Variants in MDGA2 observed in about 807,000 individuals in gnomAD.
MDGA2 encodes MAM domain containing glycosylphosphatidylinositol anchor 2.
MDGA2 carries 40 observed loss-of-function variants against 117.8 expected under a neutral mutation model. The observed-to-expected ratio is 0.34, with a 90% CI of 0.26 to 0.44. The LOEUF is 0.44. Ranked by LOEUF, MDGA2 falls within the 20% of genes least tolerant of loss-of-function variation. MDGA2 has a pLI of 1.00. For missense variants in MDGA2, 1,123 were observed against 1,250.6 expected, an observed-to-expected ratio of 0.90 and a Z score of 1.54; for synonymous variants, 452 against 439.0, an observed-to-expected ratio of 1.03 and a Z score of -0.37.
intron 2 of MDGA2, among the ~76,000 whole-genome samples, chr14:47,279,810 C>T (rs764473892): frequency 6.6e-6 from 1 of 152,096 alleles, no homozygotes. Context: ...TATGTTGCCC[C>T]CGCCATCCCC....
At chr14:47,652,120 A>T (rs1003297122) in intron 1 of MDGA2, among the ~76,000 whole-genome samples, 8 of 152,218 alleles carry the variant, frequency 5.3e-5, no homozygotes, top group African/African-American at 1.9e-4. Flanking sequence ...GGACAGAAAT[A>T]TAAGGATCTT....
intron 1 of MDGA2, among the ~76,000 whole-genome samples, chr14:47,464,915 G>A (rs1893568622): frequency 6.6e-6 from 1 of 151,864 alleles, no homozygotes; most frequent in Non-Finnish European, 1.5e-5. Context: ...AACAAAGCCA[G>A]AGAGCCAGAG....
chr14:47,345,084 AG>A (rs1004211865), intron 1 of MDGA2, among the ~76,000 whole-genome samples: 1 of 152,166 alleles, frequency 6.6e-6, no homozygotes, highest in Non-Finnish European at 1.5e-5. Flanking sequence ...TTCTCTCCTT[AG>A]GGAATATACA....
intron 1 of MDGA2, among the ~76,000 whole-genome samples, chr14:47,405,189 A>G (rs1892236132): frequency 6.6e-6 from 1 of 152,190 alleles, no homozygotes; most frequent in African/African-American, 2.4e-5. Flanking sequence ...GTACAAAGTA[A>G]TTAATTAAAA....
intron 1 of MDGA2, among the ~76,000 whole-genome samples, chr14:47,467,354 A>C (rs1334459872): frequency 6.6e-6 from 1 of 152,080 alleles, no homozygotes; most frequent in Non-Finnish European, 1.5e-5. Context: ...AATAACTATA[A>C]AAGTTTCAAG....
intron 1 of MDGA2, among the ~76,000 whole-genome samples, chr14:47,633,240 G>T (rs1207558745): frequency 3.3e-5 from 5 of 151,998 alleles, no homozygotes; most frequent in African/African-American, 1.2e-4. Context: ...GCTCTTAAGG[G>T]TCAGGACTAT....
intron 1 of MDGA2, among the ~76,000 whole-genome samples, chr14:47,450,315 A>T (rs2138568709): frequency 6.6e-6 from 1 of 152,106 alleles, no homozygotes; most frequent in East Asian, 1.9e-4. Context: ...CCTTTGAAAC[A>T]CATAAAATAG....
chr14:47,074,078 T>G (rs1890395140), intron 6 of MDGA2, among the ~76,000 whole-genome samples: 1 of 152,066 alleles, frequency 6.6e-6, no homozygotes, highest in South Asian at 2.1e-4. Flanking sequence ...CATAATTAAA[T>G]TAGCATGATC....
chr14:47,367,510 A>T (rs1341168807), intron 1 of MDGA2, among the ~76,000 whole-genome samples: 2 of 152,246 alleles, frequency 1.3e-5, no homozygotes, highest in Non-Finnish European at 2.9e-5. Context: ...AACGACCAAA[A>T]ATACTGTTTC....
chr14:46,990,526 C>T (rs1044295209), intron 8 of MDGA2, among the ~76,000 whole-genome samples: 1 of 151,932 alleles, frequency 6.6e-6, no homozygotes, highest in Non-Finnish European at 1.5e-5. Context: ...GGTAAAGAAA[C>T]ATGTTAACAT....
chr14:47,370,072 C>T (rs11850483), intron 1 of MDGA2, among the ~76,000 whole-genome samples: 84 of 151,718 alleles, frequency 5.5e-4, no homozygotes, highest in African/African-American at 1.4e-3. Context: ...ATTCTTTTTT[C>T]GTTTTTTTCT....
At position 47,532,057 on chromosome 14, in the gene MDGA2, C is replaced by T. The variant is rs373535115; in HGVS notation, c.280+142460G>A. ...ACCTCAGGAGCTCCTTATAAGGGTG[C>T]TAAGTCTTTCACATAATTTGAGGCT... On this transcript the variant is annotated intron_variant, in intron 1 of 16. Transcript: ENST00000399232. 3.3e-5 allele frequency among the ~76,000 whole-genome samples: 5 copies of T among 152,264 alleles called. No homozygotes were observed. In the East Asian group the frequency reaches 5.8e-4, roughly 18 times the overall value.
chr14:47,481,864 T>C (rs1893960568), intron 1 of MDGA2, among the ~76,000 whole-genome samples: 2 of 151,908 alleles, frequency 1.3e-5, no homozygotes, highest in South Asian at 2.1e-4. Context: ...TTCTGAAAAA[T>C]AAAAAATCCC....
At chr14:47,286,829 A>C (rs1376063405) in intron 2 of MDGA2, among the ~76,000 whole-genome samples, 3 of 119,506 alleles carry the variant, frequency 2.5e-5, no homozygotes, top group Admixed American at 8.2e-5. Flanking sequence ...ATATATACAT[A>C]TATATATGTA....
At chr14:47,357,013 A>C (rs1051355281) in intron 1 of MDGA2, among the ~76,000 whole-genome samples, 2 of 152,208 alleles carry the variant, frequency 1.3e-5, no homozygotes, top group African/African-American at 4.8e-5. Flanking sequence ...TTTTACTTTT[A>C]CTTAGCGGAG....
chr14:47,553,942 G>C (rs576568855), intron 1 of MDGA2, among the ~76,000 whole-genome samples: 30 of 152,256 alleles, frequency 2.0e-4, no homozygotes, highest in African/African-American at 6.3e-4. Flanking sequence ...TTTCAGGTGG[G>C]AAAACAGCAG....
intron 8 of MDGA2, among the ~76,000 whole-genome samples, chr14:46,986,662 C>T (rs1886870164): frequency 6.6e-6 from 1 of 152,060 alleles, no homozygotes; most frequent in Non-Finnish European, 1.5e-5. Flanking sequence ...AAATCAACTA[C>T]CCAAAAGACA....
intron 3 of MDGA2, among the ~76,000 whole-genome samples, chr14:47,162,102 C>T (rs369830167): frequency 7.9e-5 from 12 of 151,744 alleles, no homozygotes; most frequent in African/African-American, 2.4e-4. Context: ...CTTGCCACCA[C>T]GCCCAGCTAG....
At chr14:47,177,874 A>G (rs977465269) in intron 3 of MDGA2, among the ~76,000 whole-genome samples, 35 of 152,158 alleles carry the variant, frequency 2.3e-4, no homozygotes, top group African/African-American at 8.0e-4. Context: ...GTGTATATAC[A>G]TAATATATTA....
Sources: allele counts gnomAD v4.1 joint callset (sites outside exome capture counted in the v4.1 genomes callset), GRCh38; gene constraint gnomAD v4.1.1; transcripts MANE v1.5; gene names NCBI Gene and HGNC (gene_info 2026-07-23, HGNC 2026-07-21).